The following GOLPH3L variants were observed in gnomAD, a reference collection of about 807,000 sequenced individuals.
GOLPH3L encodes the protein golgi phosphoprotein 3 like, also known as Golgi phosphoprotein 3-like.
Under a neutral mutation model 30.3 loss-of-function variants are expected in GOLPH3L, and 22 were observed. The ratio of observed to expected loss-of-function variants is 0.73; its 90% CI spans 0.52 to 1.04. GOLPH3L has a LOEUF of 1.04. GOLPH3L is among the 50% of genes least tolerant of loss of function. GOLPH3L has a pLI of 0.00. For missense variants in GOLPH3L, 303 were observed against 345.8 expected (o/e 0.88, Z 0.98); for synonymous variants, 120 against 128.2 (o/e 0.94, Z 0.43).
At chr1:150,683,461 G>A (rs1468969693) in intron 2 of GOLPH3L, among the ~76,000 whole-genome samples, 3 of 147,862 alleles carry the variant, frequency 2.0e-5, no homozygotes, top group Non-Finnish European at 4.5e-5. Context: ...GCGTGAACCC[G>A]GGAGGCGGAG....
At chr1:150,695,904 A>T (rs1051679885) in intron 1 of GOLPH3L, among the ~76,000 whole-genome samples, 17 of 149,126 alleles carry the variant, frequency 1.1e-4, no homozygotes, top group African/African-American at 3.9e-4. Context: ...TTCTCAATTT[A>T]AAAAAAAAAG....
intron 2 of GOLPH3L, among the ~76,000 whole-genome samples, chr1:150,683,482 G>C (rs1651008747): frequency 1.4e-5 from 2 of 141,658 alleles, no homozygotes; most frequent in African/African-American, 5.3e-5. Context: ...CTTGCAGTGA[G>C]CCGAGATCGC....
chr1:150,663,103 T>C (rs997146961), intron 3 of GOLPH3L, among the ~76,000 whole-genome samples: 9 of 152,082 alleles, frequency 5.9e-5, no homozygotes, highest in Admixed American at 2.0e-4. Flanking sequence ...GGCGGGATCT[T>C]GGCTCACTGC....
At chr1:150,693,727 G>A (rs1406306061) in intron 2 of GOLPH3L, among the ~76,000 whole-genome samples, 1 of 145,814 alleles carries the variant, frequency 6.9e-6, no homozygotes, top group Non-Finnish European at 1.5e-5. Context: ...GACATTTAGG[G>A]AAAAAAGAGA....
Position 150,657,079 on chromosome 1 carries a change from C to T in GOLPH3L, c.430+4735G>A, listed in dbSNP as rs587736176. On this transcript the variant is annotated intron_variant, in intron 4 of 4. Coordinates refer to ENST00000271732, the MANE Select transcript of GOLPH3L (RefSeq NM_018178.6). ...TTTAATATGCCTATTTATGTGATTT[C>T]TGATTCTTCATATGTGGTTCATTCC... is the stretch of plus-strand genomic sequence containing the variant. Among the ~76,000 whole-genome samples, 4 of 152,298 alleles carry T rather than the reference C, an allele frequency of 2.6e-5. No individual in the cohort carries two copies. In the East Asian group the frequency reaches 7.7e-4, roughly 29 times the overall value.
intron 3 of GOLPH3L, among the ~76,000 whole-genome samples, chr1:150,662,867 T>A (rs956131991): frequency 6.6e-6 from 1 of 152,140 alleles, no homozygotes; most frequent in Non-Finnish European, 1.5e-5. Flanking sequence ...CTTAGGATGA[T>A]AAAGAAGTTG....
chr1:150,692,840 C>G (rs1290925832), intron 2 of GOLPH3L, among the ~76,000 whole-genome samples: 1 of 152,116 alleles, frequency 6.6e-6, no homozygotes. Flanking sequence ...AGCAAAAATT[C>G]CAGTGCATAA....
chr1:150,653,580 C>T (rs1650176298), intron 4 of GOLPH3L, among the ~76,000 whole-genome samples: 1 of 151,340 alleles, frequency 6.6e-6, no homozygotes, highest in Non-Finnish European at 1.5e-5. Context: ...CCCATCTCAG[C>T]CTCCTGAGTA....
chr1:150,680,402 A>T (rs919719027), intron 2 of GOLPH3L, among the ~76,000 whole-genome samples: 1 of 152,176 alleles, frequency 6.6e-6, no homozygotes, highest in African/African-American at 2.4e-5. Context: ...AGTTTTTTTT[A>T]AAGGATTATA....
At chr1:150,683,322 G>A (rs1651003706) in intron 2 of GOLPH3L, among the ~76,000 whole-genome samples, 1 of 152,002 alleles carries the variant, frequency 6.6e-6, no homozygotes, top group African/African-American at 2.4e-5. Context: ...GGATCACGAG[G>A]TCAGGAGATC....
At chr1:150,653,175 C>CA (rs757485843) in intron 4 of GOLPH3L, among the ~76,000 whole-genome samples, 4,977 of 76,240 alleles carry the variant, frequency 0.065, 114 homozygotes, top group African/African-American at 0.11. Context: ...GCCAAAAAAA[C>CA]AAAAAAAAAA....
At chr1:150,682,317 C>T (rs986733416) in intron 2 of GOLPH3L, among the ~76,000 whole-genome samples, 2 of 151,964 alleles carry the variant, frequency 1.3e-5, no homozygotes, top group African/African-American at 4.8e-5. Context: ...TGCAACACTT[C>T]TATCATCCCA....
At chr1:150,657,622 T>G (rs1487717295) in intron 4 of GOLPH3L, among the ~76,000 whole-genome samples, 2 of 152,230 alleles carry the variant, frequency 1.3e-5, no homozygotes, top group African/African-American at 4.8e-5. Flanking sequence ...CCTTTTGCAG[T>G]GTTTGTGGTG....
intron 1 of GOLPH3L, among the ~76,000 whole-genome samples, chr1:150,695,633 C>CA (rs1176014442): frequency 6.6e-6 from 1 of 151,828 alleles, no homozygotes; most frequent in African/African-American, 2.4e-5. Context: ...TAAAAAAACA[C>CA]AAAAAATAGA....
rs1305354091 is a variant in GOLPH3L at position 150,663,668 on chromosome 1, G to A, written c.279C>T (p.Pro93=). The part of the protein sequence containing the change: ...LAMRGRIYLE[P]PTMRKKRLLD... Reference sequence around the variant, plus strand: ...GTAGTCGCTTCTTACGCATGGTCGGGGGTTCCAGATAGATTCGACCCCGCA... The same window carrying A: ...GTAGTCGCTTCTTACGCATGGTCGGAGGTTCCAGATAGATTCGACCCCGCA... The change falls in exon 3 of 5, where the codon CCC becomes CCT. Residue 93 remains proline (P), a synonymous_variant. Transcript: ENST00000271732. 6.2e-7 allele frequency: 1 copy of A among 1,613,716 alleles called. No individual in the cohort carries two copies. Among genetic ancestry groups the A allele is most frequent in the South Asian group, 1.1e-5 (1 of 91,020 alleles).
intron 2 of GOLPH3L, among the ~76,000 whole-genome samples, chr1:150,681,582 C>T (rs978505092): frequency 1.3e-5 from 2 of 152,068 alleles, no homozygotes; most frequent in African/African-American, 2.4e-5. Context: ...AAACACAGTC[C>T]TGCTCTCAGG....
intron 1 of GOLPH3L, 27 bp from the exon 2 acceptor site, chr1:150,694,877 C>G: frequency 8.1e-7 from 1 of 1,238,454 alleles, no homozygotes; most frequent in South Asian, 1.4e-5. Flanking sequence ...AAAAAAAAAT[C>G]CATATGTATG....
At position 150,697,148 on chromosome 1, in the gene GOLPH3L, A is replaced by G. The variant is rs189511798; in HGVS notation, c.-169T>C. On this transcript the variant is annotated 5_prime_UTR_variant, in exon 1 of 5. Coordinates refer to ENST00000271732, the MANE Select transcript of GOLPH3L (RefSeq NM_018178.6). ...CCTGATCCTTCGATGCAGAGAAGGA[A>G]TAACACATCAGCTTCCTCAGGATCA... 3 of 151,982 alleles carry G rather than the reference A, an allele frequency of 2.0e-5. No homozygotes were observed. Among genetic ancestry groups the G allele is most frequent in the Admixed American group, 6.6e-5 (1 of 15,252 alleles). 9.4% of individuals were successfully genotyped at this position (151,982 alleles called of 1,614,324 possible).
At chr1:150,654,818 C>T (rs979075516) in intron 4 of GOLPH3L, among the ~76,000 whole-genome samples, 6 of 152,162 alleles carry the variant, frequency 3.9e-5, no homozygotes, top group Non-Finnish European at 7.3e-5. Flanking sequence ...GGGGAACTCC[C>T]GCAAAAGGTC....
Sources: gnomAD v4.1 joint callset for allele counts (sites outside exome capture counted in the v4.1 genomes callset) on GRCh38, gnomAD v4.1.1 for gene constraint, MANE v1.5 for transcripts, NCBI Gene and HGNC (gene_info 2026-07-23, HGNC 2026-07-21) for gene names.